The following FCRL4 variants were observed in gnomAD, a reference collection of about 807,000 sequenced individuals.
The protein encoded by FCRL4 is Fc receptor-like protein 4.
Under a neutral mutation model 64.1 loss-of-function variants are expected in FCRL4, and 43 were observed. The observed-to-expected ratio is 0.67, with a 90% confidence interval of 0.53 to 0.87. The LOEUF is 0.87. Ranked by LOEUF, FCRL4 falls within the 40% of genes least tolerant of loss-of-function variation. The pLI is 0.00. For missense variants in FCRL4, 656 were observed against 613.5 expected, an observed-to-expected ratio of 1.07 and a Z score of -0.73; for synonymous variants, 253 against 239.8, an observed-to-expected ratio of 1.05 and a Z score of -0.51.
intron 2 of FCRL4, among the ~76,000 whole-genome samples, chr1:157,595,159 C>T (rs1317539384): frequency 6.6e-6 from 1 of 152,164 alleles, no homozygotes; most frequent in African/African-American, 2.4e-5. Flanking sequence ...CTCAGCCTCC[C>T]GAAGTGCTGG....
chr1:157,581,386 G>A lies in FCRL4; in HGVS notation c.1249+145C>T, dbSNP rs563118922. The stretch of plus-strand genomic sequence containing the variant: ...CAAAACTGCCCCTTAAGGAAGGGAC[G>A]GACGTGAGTGTGTGTGAACGCTGGG... On this transcript the variant is annotated intron_variant, in intron 7 of 11. Coordinates refer to ENST00000271532, the MANE Select transcript of FCRL4 (RefSeq NM_031282.3). The A allele has an allele frequency of 7.9e-6, 5 of 634,616 alleles. No homozygotes were observed. The East Asian group carries it at 8.3e-5, about 10-fold the overall frequency. The allele number at this position is 634,616 out of a possible 1,614,324, so 39.3% of individuals were successfully genotyped here. A position where few individuals can be genotyped will look rare whatever the true frequency, so the allele number is the denominator to read the frequency against.
At chr1:157,588,167 T>C (rs11799853) in intron 3 of FCRL4, 48 bp from the exon 4 acceptor site, 505,304 of 1,540,212 alleles carry the variant, frequency 0.33, 84,077 homozygotes, top group Middle Eastern at 0.37. Context: ...ATTCCTGCTA[T>C]CTCCTTCTTC....
At chr1:157,580,491 G>A in intron 7 of FCRL4, 143 bp from the exon 8 acceptor site, 1 of 817,552 alleles carries the variant, frequency 1.2e-6, no homozygotes, top group Non-Finnish European at 2.0e-6. Context: ...TGAAAATGAG[G>A]TGAAAAAAAG....
At chr1:157,595,646 G>A (rs1652944869) in intron 2 of FCRL4, among the ~76,000 whole-genome samples, 1 of 152,248 alleles carries the variant, frequency 6.6e-6, no homozygotes, top group Non-Finnish European at 1.5e-5. Context: ...CAGGAAGGGT[G>A]TGTGGGAAAT....
chr1:157,597,478 A>G (rs1291146076), intron 1 of FCRL4, among the ~76,000 whole-genome samples: 8 of 152,202 alleles, frequency 5.3e-5, no homozygotes, highest in Admixed American at 5.2e-4. Context: ...CAAACATCAG[A>G]ACAGGTTTGA....
At chr1:157,591,091 A>C (rs1652830868) in intron 2 of FCRL4, among the ~76,000 whole-genome samples, 1 of 152,214 alleles carries the variant, frequency 6.6e-6, no homozygotes, top group East Asian at 1.9e-4. Flanking sequence ...GAAGGGCAAT[A>C]AATAATGACT....
chr1:157,595,183 A>T (rs1190607366), intron 2 of FCRL4, among the ~76,000 whole-genome samples: 1 of 152,240 alleles, frequency 6.6e-6, no homozygotes, highest in African/African-American at 2.4e-5. Context: ...TACAGGCATG[A>T]GCCACTGTGC....
chr1:157,597,960 G>C lies in FCRL4; in HGVS notation c.-16C>G. The stretch of plus-strand genomic sequence containing the variant: ...ACAGCAGCATGGAAGCCTGCTCCAG[G>C]ATTGGAGAAGGAGTTCTGAGGAGAC... On this transcript the variant is annotated 5_prime_UTR_variant, in exon 1 of 12. The change creates a new upstream start codon in the 5' untranslated region. Transcript: ENST00000271532. The C allele has an allele frequency of 1.2e-6, 2 of 1,611,628 alleles. No homozygotes were observed. Among genetic ancestry groups the C allele is most frequent in the South Asian group, 1.1e-5 (1 of 90,726 alleles).
intron 6 of FCRL4, among the ~76,000 whole-genome samples, chr1:157,584,229 G>A (rs953091077): frequency 6.6e-6 from 1 of 152,146 alleles, no homozygotes; most frequent in African/African-American, 2.4e-5. Flanking sequence ...GGGCATTCAG[G>A]AGTCTTTCGA....
rs1558155158 is a variant in FCRL4 at position 157,585,394 on chromosome 1, C to CTTTCTTT, written c.1135+773_1135+774insAAAGAAA. On this transcript the variant is annotated intron_variant, in intron 6 of 11. Transcript: ENST00000271532. ...TCTTTCTTTCTTTCTTTCTTTCTTT[C>CTTTCTTT]CTTCTTTCTTTCTTTCTTTCTTTCT... Among the ~76,000 whole-genome samples the CTTTCTTT allele has an allele frequency of 7.2e-3, 545 of 76,066 alleles. 13 individuals carry two copies. The highest frequency in any genetic ancestry group is 0.024 in the African/African-American group (520 of 21,742). 49.9% of individuals were successfully genotyped at this position (76,066 alleles called of 152,430 possible). A position where few individuals can be genotyped will look rare whatever the true frequency, so the allele number is the denominator to read the frequency against.
intron 2 of FCRL4, among the ~76,000 whole-genome samples, chr1:157,592,142 TCTAGAAGAAAAC>T (rs753752618): frequency 3.9e-5 from 6 of 152,066 alleles, no homozygotes; most frequent in Non-Finnish European, 8.8e-5. Context: ...CCATAAAAAC[TCTAGAAGAAAAC>T]CTAGGCAATA....
At chr1:157,582,810 G>A (rs1314690581) in intron 6 of FCRL4, among the ~76,000 whole-genome samples, 1 of 152,200 alleles carries the variant, frequency 6.6e-6, no homozygotes, top group African/African-American at 2.4e-5. Flanking sequence ...ACAGCTGAAA[G>A]AGTACGGTGG....
rs968776803 is a variant in FCRL4, at chr1:157,593,176, G to A, written c.52+3152C>T. ...GGTGCAGCAAACCAACATGGCACAT[G>A]TATGCATAGGTAACAAACCTGCATG... On this transcript the variant is annotated intron_variant, in intron 2 of 11. Transcript: ENST00000271532. Among the ~76,000 whole-genome samples, 4 of 152,136 alleles carry A rather than the reference G, an allele frequency of 2.6e-5. No individual in the cohort carries two copies. The East Asian group carries it at 7.7e-4, about 29-fold the overall frequency.
chr1:157,575,460 G>A lies in FCRL4; in HGVS notation c.*64C>T. On this transcript the variant is annotated 3_prime_UTR_variant, in exon 12 of 12. Transcript: ENST00000271532. Reference sequence around the variant, plus strand: ...TCCAGGGGCCGCAAGGACTGCACTGGGCCTGGGACTTTGGACAAGGGAGAA... The same window carrying A: ...TCCAGGGGCCGCAAGGACTGCACTGAGCCTGGGACTTTGGACAAGGGAGAA... 8.0e-7 allele frequency: 1 copy of A among 1,257,746 alleles called. No individual in the cohort carries two copies. Among genetic ancestry groups the A allele is most frequent in the Non-Finnish European group, 1.2e-6 (1 of 867,240 alleles). The allele number at this position is 1,257,746 out of a possible 1,614,324, so 77.9% of individuals were successfully genotyped here. A position where few individuals can be genotyped will look rare whatever the true frequency, so the allele number is the denominator to read the frequency against.
intron 5 of FCRL4, among the ~76,000 whole-genome samples, chr1:157,586,892 C>A (rs545109000): frequency 6.6e-6 from 1 of 152,354 alleles, no homozygotes; most frequent in African/African-American, 2.4e-5. Context: ...GGCACTCACA[C>A]TGTTCATTGC....
chr1:157,595,952 C>A (rs2101689464), intron 2 of FCRL4, among the ~76,000 whole-genome samples: 1 of 152,334 alleles, frequency 6.6e-6, no homozygotes, highest in South Asian at 2.1e-4. Flanking sequence ...GGAAAAGCTG[C>A]TGGAGCCCCA....
Position 157,597,618 on chromosome 1 carries a change from G to T in FCRL4, c.31+296C>A, listed in dbSNP as rs566876215. On this transcript the variant is annotated intron_variant, in intron 1 of 11. Transcript: ENST00000271532. ...CCTCTGGGTCCTCATGCTCTGTGAC[G>T]TAGGGACTGAACCTAGCCATAGGTT... Among the ~76,000 whole-genome samples the T allele has an allele frequency of 7.2e-5, 11 of 152,276 alleles. No individual in the cohort carries two copies. In the East Asian group the frequency reaches 1.9e-3, roughly 27 times the overall value.
At chr1:157,587,610 C>T in intron 4 of FCRL4, 50 bp from the exon 5 acceptor site, 1 of 1,570,272 alleles carries the variant, frequency 6.4e-7, no homozygotes, top group Non-Finnish European at 8.6e-7. Context: ...ATTTAGGACT[C>T]TGTGAGAGAC....
chr1:157,588,347 G>A (rs535193117), intron 3 of FCRL4, among the ~76,000 whole-genome samples: 26 of 152,314 alleles, frequency 1.7e-4, no homozygotes, highest in Admixed American at 1.6e-3. Context: ...CCAAAGATAA[G>A]GAGTCTAATA....
Sources: allele counts gnomAD v4.1 joint callset (sites outside exome capture counted in the v4.1 genomes callset), GRCh38; gene constraint gnomAD v4.1.1; transcripts MANE v1.5; gene names NCBI Gene and HGNC (gene_info 2026-07-23, HGNC 2026-07-21).